Variants in SDCCAG8 observed in about 807,000 individuals in gnomAD.
SDCCAG8 encodes the protein SHH signaling and ciliogenesis regulator SDCCAG8.
SDCCAG8 carries 74 observed loss-of-function variants against 101.8 expected under a neutral mutation model. The ratio of observed to expected loss-of-function variants is 0.73; its 90% CI spans 0.60 to 0.88. The LOEUF is 0.88. Ranked by LOEUF, SDCCAG8 falls within the 40% of genes least tolerant of loss-of-function variation. The pLI, the probability that SDCCAG8 is intolerant of heterozygous loss-of-function variation, is 0.00. For synonymous variants in SDCCAG8, 281 were observed against 292.9 expected, an observed-to-expected ratio of 0.96 and a Z score of 0.41; for missense variants, 787 against 822.6, an observed-to-expected ratio of 0.96 and a Z score of 0.53.
At chr1:243,338,070 G>A (rs925901507) in intron 10 of SDCCAG8, among the ~76,000 whole-genome samples, 5 of 151,870 alleles carry the variant, frequency 3.3e-5, no homozygotes, top group Non-Finnish European at 7.4e-5. Flanking sequence ...ACAGGCGTGT[G>A]CCACCTTGCC....
rs532369360 is a variant in SDCCAG8 at position 243,286,463 on chromosome 1, G to A, written c.546+66G>A. 2.5e-4 allele frequency: 383 copies of A among 1,539,786 alleles called. 1 individual carries two copies. In the East Asian group the frequency reaches 6.4e-3, roughly 26 times the overall value. On this transcript the variant is annotated intron_variant, in intron 5 of 17. Transcript: ENST00000366541. Reference sequence around the variant, plus strand: ...ATATTCCCTTCTGCCCTCTCTCCTCGCCTTCTTCGCTGCTTAGATTTTCTC... The same window carrying A: ...ATATTCCCTTCTGCCCTCTCTCCTCACCTTCTTCGCTGCTTAGATTTTCTC...
At chr1:243,486,044 C>A (rs1438304227) in intron 16 of SDCCAG8, among the ~76,000 whole-genome samples, 1 of 151,612 alleles carries the variant, frequency 6.6e-6, no homozygotes, top group Non-Finnish European at 1.5e-5. Context: ...ACTAAAAATA[C>A]AAAATTAGCC....
chr1:243,403,007 T>C (rs1450600966), intron 13 of SDCCAG8, among the ~76,000 whole-genome samples: 1 of 152,238 alleles, frequency 6.6e-6, no homozygotes, highest in Non-Finnish European at 1.5e-5. Context: ...TTTGCCGTTA[T>C]ATGTTGAAGA....
chr1:243,417,816 G>A (rs1287482897), intron 14 of SDCCAG8, 152 bp from the exon 15 acceptor site: 4 of 629,716 alleles, frequency 6.4e-6, no homozygotes. Context: ...CTTTCCAGAT[G>A]ATAAGTCCTT....
chr1:243,338,418 T>C (rs1014204562), intron 10 of SDCCAG8, among the ~76,000 whole-genome samples: 1 of 151,586 alleles, frequency 6.6e-6, no homozygotes, highest in Admixed American at 6.7e-5. Flanking sequence ...CTCCCTTACT[T>C]TTCTTTTTTT....
chr1:243,365,273 T>G lies in SDCCAG8; in HGVS notation c.1474-13448T>G, dbSNP rs150018761. Among the ~76,000 whole-genome samples, 616 of 152,260 alleles carry G rather than the reference T, an allele frequency of 4.0e-3. 5 individuals are homozygous for G. Among genetic ancestry groups the G allele is most frequent in the African/African-American group, 0.014 (602 of 41,550 alleles). ...TGCATGTTTTTTTCCTAAAGGCCTA[T>G]TTTGTTTTTTATGAAACAAAATATT... On this transcript the variant is annotated intron_variant, in intron 12 of 17. Coordinates refer to ENST00000366541, the MANE Select transcript of SDCCAG8 (RefSeq NM_006642.5).
chr1:243,309,924 C>T (rs764484916), intron 8 of SDCCAG8, among the ~76,000 whole-genome samples: 7 of 151,960 alleles, frequency 4.6e-5, no homozygotes, highest in Admixed American at 3.9e-4. Context: ...AGTGCAGTGG[C>T]GCAATCTTGG....
At chr1:243,469,342 A>G (rs1396530312) in intron 16 of SDCCAG8, among the ~76,000 whole-genome samples, 1 of 152,198 alleles carries the variant, frequency 6.6e-6, no homozygotes, top group South Asian at 2.1e-4. Flanking sequence ...GTAGCTACCT[A>G]CAAAAGATAT....
intron 13 of SDCCAG8, among the ~76,000 whole-genome samples, chr1:243,406,496 T>G (rs1192603849): frequency 6.6e-6 from 1 of 152,196 alleles, no homozygotes; most frequent in Non-Finnish European, 1.5e-5. Context: ...CTCTTACTAT[T>G]GCTGTAGTAA....
intron 13 of SDCCAG8, among the ~76,000 whole-genome samples, chr1:243,409,187 T>C (rs969496251): frequency 6.6e-6 from 1 of 152,174 alleles, no homozygotes; most frequent in African/African-American, 2.4e-5. Flanking sequence ...TTCCATAGAT[T>C]ATTAATTTTG....
chr1:243,283,277 GGT>G (rs1250928049), intron 4 of SDCCAG8, among the ~76,000 whole-genome samples: 1 of 151,738 alleles, frequency 6.6e-6, no homozygotes, highest in Non-Finnish European at 1.5e-5. Flanking sequence ...TATCCTGCTT[GGT>G]GTTCGGTGAG....
At chr1:243,484,227 C>T (rs1201621128) in intron 16 of SDCCAG8, among the ~76,000 whole-genome samples, 1 of 152,260 alleles carries the variant, frequency 6.6e-6, no homozygotes, top group East Asian at 1.9e-4. Context: ...AGTCCAGCGT[C>T]GCCTTCCTCT....
chr1:243,417,263 C>G (rs2080656199), intron 14 of SDCCAG8, among the ~76,000 whole-genome samples: 1 of 152,086 alleles, frequency 6.6e-6, no homozygotes, highest in Admixed American at 6.5e-5. Context: ...TAGCATGATC[C>G]TAGTGATCAG....
chr1:243,498,194 G>A (rs180906187), intron 17 of SDCCAG8, among the ~76,000 whole-genome samples: 221 of 152,270 alleles, frequency 1.5e-3, no homozygotes, highest in Non-Finnish European at 2.6e-3. Flanking sequence ...CTGGCCTGGA[G>A]GGCACGTCAG....
intron 10 of SDCCAG8, among the ~76,000 whole-genome samples, chr1:243,334,833 C>A (rs2074884676): frequency 6.6e-6 from 1 of 152,074 alleles, no homozygotes; most frequent in Non-Finnish European, 1.5e-5. Flanking sequence ...AGCAATGTAC[C>A]CTCCTTGGCC....
At chr1:243,363,442 T>C (rs942225450) in intron 12 of SDCCAG8, among the ~76,000 whole-genome samples, 11 of 152,192 alleles carry the variant, frequency 7.2e-5, no homozygotes, top group African/African-American at 2.4e-4. Context: ...ATGGAGCAGA[T>C]TTGTAGTTTG....
chr1:243,326,444 G>T (rs917399838), intron 9 of SDCCAG8, among the ~76,000 whole-genome samples: 2 of 152,112 alleles, frequency 1.3e-5, no homozygotes, highest in Admixed American at 6.6e-5. Flanking sequence ...AATCAGAAAA[G>T]CATTGACTAT....
intron 16 of SDCCAG8, among the ~76,000 whole-genome samples, chr1:243,451,202 A>C (rs1174884553): frequency 1.3e-5 from 2 of 152,178 alleles, no homozygotes; most frequent in Non-Finnish European, 2.9e-5. Context: ...GCCCCATGTC[A>C]GTTTGTACAT....
chr1:243,455,488 C>G (rs1275843231), intron 16 of SDCCAG8, among the ~76,000 whole-genome samples: 1 of 152,136 alleles, frequency 6.6e-6, no homozygotes, highest in Non-Finnish European at 1.5e-5. Flanking sequence ...AGGCTGGTCT[C>G]GATCTCCTCA....
Sources: allele counts gnomAD v4.1 joint callset (sites outside exome capture counted in the v4.1 genomes callset), GRCh38; gene constraint gnomAD v4.1.1; transcripts MANE v1.5; gene names NCBI Gene and HGNC (gene_info 2026-07-23, HGNC 2026-07-21).